Variants in USP42 observed in about 807,000 individuals in gnomAD.
The protein encoded by USP42 is ubiquitin specific peptidase 42, also known as ubiquitin carboxyl-terminal hydrolase 42.
In USP42, 23 loss-of-function variants were observed where a neutral mutation model predicts 113.0. The observed-to-expected ratio is 0.20, with a 90% CI of 0.15 to 0.29. USP42 has a LOEUF of 0.29. USP42 is among the 10% of genes least tolerant of loss of function. USP42 has a pLI of 1.00. For missense variants in USP42, 2,174 were observed against 1,779.8 expected, an observed-to-expected ratio of 1.22 and a Z score of -3.99; for synonymous variants, 933 against 699.0, an observed-to-expected ratio of 1.33 and a Z score of -5.28.
chr7:6,140,564 C>G (rs1019043245), intron 6 of USP42, among the ~76,000 whole-genome samples: 2 of 152,216 alleles, frequency 1.3e-5, no homozygotes, highest in African/African-American at 2.4e-5. Flanking sequence ...CATGGAGCAT[C>G]CGTGCACACA....
chr7:6,120,393 C>T (rs1228248147), intron 3 of USP42, among the ~76,000 whole-genome samples: 2 of 152,158 alleles, frequency 1.3e-5, no homozygotes, highest in Non-Finnish European at 2.9e-5. Context: ...CAGGCACGCA[C>T]CATCACTTCT....
At position 6,152,033 on chromosome 7, in the gene USP42, A is replaced by T. The variant is rs962194730; in HGVS notation, c.2201+1527A>T. On this transcript the variant is annotated intron_variant, in intron 14 of 17. Coordinates refer to ENST00000306177, the MANE Select transcript of USP42 (RefSeq NM_032172.3). ...GATAATAAAACCTGCCCCACAATTTAAAAAAAAAATCATGTCATGTTAGTG... is the reference window on the plus strand; with the variant it reads ...GATAATAAAACCTGCCCCACAATTTTAAAAAAAAATCATGTCATGTTAGTG... Among the ~76,000 whole-genome samples the T allele has an allele frequency of 2.7e-5, 4 of 150,804 alleles. No homozygotes were observed. The East Asian group carries it at 5.8e-4, about 22-fold the overall frequency.
At chr7:6,153,302 CAAAA>C (rs72036975) in intron 14 of USP42, among the ~76,000 whole-genome samples, 1 of 133,106 alleles carries the variant, frequency 7.5e-6, no homozygotes, top group Non-Finnish European at 1.7e-5. Flanking sequence ...TGAAACAAAA[CAAAA>C]AAAAAAAATA....
At chr7:6,138,935 T>C (rs1781302564) in intron 4 of USP42, among the ~76,000 whole-genome samples, 157 bp from the exon 5 acceptor site, 1 of 152,232 alleles carries the variant, frequency 6.6e-6, no homozygotes, top group Non-Finnish European at 1.5e-5. Flanking sequence ...ATCCTGCTTA[T>C]AGCTTATATT....
At chr7:6,144,667 T>G (rs1234800994) in intron 9 of USP42, among the ~76,000 whole-genome samples, 1 of 152,200 alleles carries the variant, frequency 6.6e-6, no homozygotes, top group Non-Finnish European at 1.5e-5. Flanking sequence ...GCCGGGAGTT[T>G]GAGACCACTC....
Position 6,154,320 on chromosome 7 carries a change from G to A in USP42, c.2766G>A (p.Glu922=). The change falls in exon 15 of 18, where the codon GAG becomes GAA. Residue 922 remains glutamate (E), a synonymous_variant. Coordinates refer to ENST00000306177, the MANE Select transcript of USP42 (RefSeq NM_032172.3). ...GGGACGCTGAGCCTAGCCCCGGCGAGAGGGTCGAGGACGCCGCGGCGCCGA... is the reference window on the plus strand; with the variant it reads ...GGGACGCTGAGCCTAGCCCCGGCGAAAGGGTCGAGGACGCCGCGGCGCCGA... ...PEGDAEPSPG[E]RVEDAAAPKA... 1 of 1,576,826 alleles carries A rather than the reference G, an allele frequency of 6.3e-7. No individual in the cohort carries two copies. The highest frequency in any genetic ancestry group is 8.6e-7 in the Non-Finnish European group (1 of 1,162,036).
At chr7:6,090,005 G>C in the USP42 span, among the ~76,000 whole-genome samples, 1 of 146,352 alleles carries the variant, frequency 6.8e-6, no homozygotes, top group African/African-American at 2.6e-5. Flanking sequence ...TGTCTCAAAA[G>C]ATATATATAT....
intron 9 of USP42, among the ~76,000 whole-genome samples, chr7:6,144,869 C>CA (rs112958397): frequency 0.099 from 13,900 of 140,974 alleles, 817 homozygotes; most frequent in East Asian, 0.29. Context: ...GATTCTGTCT[C>CA]AAAAAAAAAA....
chr7:6,136,927 C>G (rs972405145), intron 4 of USP42, among the ~76,000 whole-genome samples: 5 of 151,860 alleles, frequency 3.3e-5, no homozygotes, highest in Non-Finnish European at 7.4e-5. Context: ...ATGTGCACCA[C>G]TATGCCCAAC....
chr7:6,145,330 CAAA>C (rs61495758), intron 9 of USP42, among the ~76,000 whole-genome samples, 183 bp from the exon 10 acceptor site: 1 of 132,122 alleles, frequency 7.6e-6, no homozygotes, highest in Admixed American at 7.6e-5. Context: ...CACGCCATCT[CAAA>C]AAAAAAAAAA....
rs533177313 is a variant in USP42 at position 6,159,798 on chromosome 7, A to G, written c.*36+305A>G. On this transcript the variant is annotated intron_variant, in intron 17 of 17. Coordinates refer to ENST00000306177, the MANE Select transcript of USP42 (RefSeq NM_032172.3). This position sits in a 1 kb window ranked among gnomAD's most constrained non-coding sequence, Gnocchi z 4.1. ...AAAAGCCAACCCGGCTCACAGCGGC[A>G]GAGCCCACGGGCCTTTGATAAACAT... Among the ~76,000 whole-genome samples, 14 of 152,374 alleles carry G rather than the reference A, an allele frequency of 9.2e-5. No homozygotes were observed. The South Asian group carries it at 2.3e-3, about 25-fold the overall frequency.
intron 1 of USP42, among the ~76,000 whole-genome samples, chr7:6,108,799 T>G (rs1483560789): frequency 6.6e-6 from 1 of 152,208 alleles, no homozygotes; most frequent in African/African-American, 2.4e-5. Flanking sequence ...AAAAAAAATT[T>G]TTTAAGGCCA....
rs1781922569 is a variant in USP42, at chr7:6,149,669, C to T, written c.1473C>T (p.Asn491=). ...GTCCTAACGGGAATTCCAGTGTCAA[C>T]AGGGCTAGTCCTGTTAATGCTTCAG... The part of the protein sequence containing the change: ...MSSPNGNSSV[N]RASPVNASAS... Residue 491 remains asparagine (N), a synonymous_variant, in exon 13 of 18, where the codon AAC becomes AAT. Transcript: ENST00000306177. 2.5e-6 allele frequency: 4 copies of T among 1,613,962 alleles called. No homozygotes were observed. Among genetic ancestry groups the T allele is most frequent in the East Asian group, 2.2e-5 (1 of 44,884 alleles).
At position 6,158,968 on chromosome 7, in the gene USP42, G is replaced by A. The variant is rs919908418; in HGVS notation, c.3944-482G>A. ...GTCTGTGTGGTGGCCCTGTGTTTCC[G>A]TCCCCGTCCCACTGCACCGATGACA... On this transcript the variant is annotated intron_variant, in intron 16 of 17. Transcript: ENST00000306177. The surrounding 1 kb of genome is among the most constrained non-coding windows in gnomAD (Gnocchi z 4.2). Among the ~76,000 whole-genome samples the A allele has an allele frequency of 2.0e-5, 3 of 152,070 alleles. No individual in the cohort carries two copies. The highest frequency in any genetic ancestry group is 4.4e-5 in the Non-Finnish European group (3 of 68,006).
rs1781810667 is a variant in USP42 at position 6,147,837 on chromosome 7, A to G, written c.1331A>G (p.Asn444Ser). 6 of 1,613,482 alleles carry G rather than the reference A, an allele frequency of 3.7e-6. No homozygotes were observed. The highest frequency in any genetic ancestry group is 5.1e-6 in the Non-Finnish European group (6 of 1,179,714). The change falls in exon 12 of 18, where the codon AAC (asparagine) becomes AGC (serine). Residue 444 changes from asparagine to serine, a missense_variant. Asn to Ser is a conservative substitution (Grantham distance 46). Coordinates refer to ENST00000306177, the MANE Select transcript of USP42 (RefSeq NM_032172.3). ...RPVISQRVVT[N>S]KQAAPGFIGP... ...GTCATCAGTCAGCGGGTTGTCACCA[A>G]CAAACAGGCTGCGCCAGGCTTTATC... is the stretch of plus-strand genomic sequence containing the variant.
intron 1 of USP42, among the ~76,000 whole-genome samples, chr7:6,106,731 ATT>A (rs72032655): frequency 1.1e-4 from 16 of 146,040 alleles, no homozygotes; most frequent in African/African-American, 3.7e-4. Context: ...CACCCAGCTA[ATT>A]TTTTTTTTTT....
rs1199216695 is a variant in USP42 at position 6,122,578 on chromosome 7, C to A, written c.442+7055C>A. ...CTGCGCCTCATGGGTTCAAGCGATT[C>A]TCCTGCCTCGGCCTCCTGAGTAGCT... is the stretch of plus-strand genomic sequence containing the variant. On this transcript the variant is annotated intron_variant, in intron 3 of 17. Coordinates refer to ENST00000306177, the MANE Select transcript of USP42 (RefSeq NM_032172.3). Among the ~76,000 whole-genome samples, 9 of 152,168 alleles carry A rather than the reference C, an allele frequency of 5.9e-5. No homozygotes were observed. In the South Asian group the frequency reaches 1.9e-3, roughly 32 times the overall value.
In USP42 at chr7:6,153,808, C is replaced by G. The variant is rs771494495; in HGVS notation, c.2254C>G (p.Pro752Ala). ...CGAGGACCGCGACGCCGAGCCTCAG[C>G]CTGGCAGCCCCGCCGCCGAATCCCT... ...PPEDRDAEPQ[P>A]GSPAAESLEE... is the part of the protein sequence containing the mutation. The change falls in exon 15 of 18, where the codon CCT (proline) becomes GCT (alanine). Residue 752 changes from proline (P) to alanine (A), a missense_variant. By Grantham distance (27) the Pro-to-Ala change is conservative. Coordinates refer to ENST00000306177, the MANE Select transcript of USP42 (RefSeq NM_032172.3). The G allele has an allele frequency of 5.9e-6, 9 of 1,523,152 alleles. No homozygotes were observed. The highest frequency in any genetic ancestry group is 2.3e-4 in the Middle Eastern group (1 of 4,362). The allele number at this position is 1,523,152 out of a possible 1,614,324, so 94.4% of individuals were successfully genotyped here.
intron 2 of USP42, among the ~76,000 whole-genome samples, chr7:6,114,791 C>T (rs571689135): frequency 1.4e-5 from 2 of 144,526 alleles, no homozygotes; most frequent in African/African-American, 5.1e-5. Flanking sequence ...CCCGGGTTCA[C>T]GCCATTCTCC....
Sources: allele counts gnomAD v4.1 joint callset (sites outside exome capture counted in the v4.1 genomes callset), GRCh38; gene constraint gnomAD v4.1.1; non-coding constraint Gnocchi (gnomAD v3.1); transcripts MANE v1.5; gene names NCBI Gene and HGNC (gene_info 2026-07-23, HGNC 2026-07-21).